Variants in SLC16A3 observed in about 807,000 individuals in gnomAD.
The protein encoded by SLC16A3 is monocarboxylate transporter 4.
In SLC16A3, 22 loss-of-function variants were observed where a neutral mutation model predicts 25.0. The observed-to-expected ratio is 0.88, with a 90% CI of 0.63 to 1.26. The LOEUF is 1.26. Among genes scored for constraint, SLC16A3 ranks in the 50% most tolerant of loss-of-function variants. The probability of loss-of-function intolerance (pLI) is 0.00; values close to 1 mark genes in which losing one functional copy is unlikely to be tolerated. For synonymous variants in SLC16A3, 390 were observed against 309.2 expected (o/e 1.26, Z -2.74); for missense variants, 731 against 666.6 (o/e 1.10, Z -1.06).
intron 1 of SLC16A3, among the ~76,000 whole-genome samples, chr17:82,232,079 C>T (rs1334426317): frequency 1.3e-5 from 2 of 152,244 alleles, no homozygotes; most frequent in East Asian, 1.9e-4. Context: ...CCGCCCTCGG[C>T]ACCCCTCGGC....
At chr17:82,218,114 G>A (rs955599530) in exon 1 of SLC16A3, among the ~76,000 whole-genome samples, 9 of 152,222 alleles carry the variant, frequency 5.9e-5, no homozygotes, top group Non-Finnish European at 1.5e-5. Flanking sequence ...TCTGCTCCTC[G>A]ACCTGGGATG....
intron 1 of SLC16A3, among the ~76,000 whole-genome samples, chr17:82,232,596 G>A (rs376426205): frequency 6.6e-6 from 1 of 152,230 alleles, no homozygotes; most frequent in Non-Finnish European, 1.5e-5. Context: ...GAACTGGCAG[G>A]CACCCAGGTC....
chr17:82,221,732 G>A (rs902755326), intron 1 of SLC16A3, among the ~76,000 whole-genome samples: 1 of 152,144 alleles, frequency 6.6e-6, no homozygotes, highest in Non-Finnish European at 1.5e-5. Context: ...ACACCCACGA[G>A]CACGGCTTTA....
Position 82,238,770 on chromosome 17 carries a change from T to A in SLC16A3, c.1192T>A (p.Ser398Thr), listed in dbSNP as rs1435561621. 3 of 1,612,554 alleles carry A rather than the reference T, an allele frequency of 1.9e-6. No homozygotes were observed. Among genetic ancestry groups the A allele is most frequent in the African/African-American group, 2.7e-5 (2 of 74,890 alleles). The change falls in exon 5 of 5, where the codon TCC (serine) becomes ACC (threonine). Residue 398 changes from serine to threonine, a missense_variant. Ser to Thr is a moderately conservative substitution (Grantham distance 58). Coordinates refer to ENST00000582743, the MANE Select transcript of SLC16A3 (RefSeq NM_004207.4). ...FILAGAEVLTSSLILLLGNFF... is the reference protein window; with the variant it reads ...FILAGAEVLTTSLILLLGNFF... The stretch of plus-strand genomic sequence containing the variant: ...CCTGGCGGGGGCCGAGGTGCTCACC[T>A]CCTCCCTGATTTTGCTGCTGGGCAA...
At chr17:82,232,407 G>C (rs1304060867) in intron 1 of SLC16A3, 1 of 152,544 alleles carries the variant, frequency 6.6e-6, no homozygotes, top group African/African-American at 2.4e-5. Context: ...ATGCCAGGGT[G>C]CCCAGTGCCC....
chr17:82,225,052 G>A (rs932679652), upstream of SLC16A3, among the ~76,000 whole-genome samples: 26 of 152,210 alleles, frequency 1.7e-4, 1 homozygote, highest in Admixed American at 1.6e-3. Context: ...CACAAGGTCA[G>A]GAGTTCAAGA....
upstream of SLC16A3, among the ~76,000 whole-genome samples, chr17:82,228,851 G>A (rs2050447470): frequency 2.0e-5 from 3 of 151,148 alleles, no homozygotes; most frequent in South Asian, 6.2e-4. Context: ...GCCGGTTCCG[G>A]TTGGGGGGGT....
chr17:82,225,724 G>C (rs2050417602), upstream of SLC16A3, among the ~76,000 whole-genome samples: 1 of 152,258 alleles, frequency 6.6e-6, no homozygotes, highest in East Asian at 1.9e-4. Context: ...ACTGGGTCAG[G>C]ACGGGGTGGC....
chr17:82,218,470 C>T (rs1165766947), intron 1 of SLC16A3, among the ~76,000 whole-genome samples: 4 of 151,654 alleles, frequency 2.6e-5, no homozygotes, highest in Non-Finnish European at 4.4e-5. Context: ...GCGGGGTGGA[C>T]GGCCAAGGCG....
chr17:82,232,780 C>T (rs564772810), intron 1 of SLC16A3, among the ~76,000 whole-genome samples: 22 of 152,186 alleles, frequency 1.4e-4, no homozygotes, highest in African/African-American at 3.6e-4. Context: ...CCAGGCCTCC[C>T]GCTCAGCTTC....
intron 1 of SLC16A3, chr17:82,234,101 A>G (rs970575816): frequency 6.6e-6 from 1 of 152,188 alleles, no homozygotes. Flanking sequence ...TGGCCCCCCA[A>G]AGTGCTGGGA....
chr17:82,221,030 G>A (rs1187444097), intron 1 of SLC16A3, among the ~76,000 whole-genome samples: 1 of 151,924 alleles, frequency 6.6e-6, no homozygotes, highest in African/African-American at 2.4e-5. Flanking sequence ...TACTGGCCAG[G>A]CTGGTCTCAA....
At chr17:82,238,330 G>A (rs908085838) in intron 4 of SLC16A3, among the ~76,000 whole-genome samples, 11 of 152,182 alleles carry the variant, frequency 7.2e-5, no homozygotes, top group African/African-American at 2.7e-4. Flanking sequence ...CTTGGGGAGG[G>A]CTCATGTCTT....
chr17:82,226,575 C>T (rs967282228), upstream of SLC16A3, among the ~76,000 whole-genome samples: 1 of 152,174 alleles, frequency 6.6e-6, no homozygotes, highest in African/African-American at 2.4e-5. Context: ...GCATGACCCC[C>T]AGAAGGCATC....
chr17:82,218,649 T>C (rs2050370794), intron 1 of SLC16A3, among the ~76,000 whole-genome samples: 1 of 152,144 alleles, frequency 6.6e-6, no homozygotes, highest in East Asian at 1.9e-4. Flanking sequence ...GATACCTGAA[T>C]GATGTTCTAG....
upstream of SLC16A3, among the ~76,000 whole-genome samples, chr17:82,226,959 C>CGGAA (rs139117699): frequency 0.016 from 2,505 of 152,236 alleles, 63 homozygotes; most frequent in African/African-American, 0.056. Flanking sequence ...ACTCTGTGGT[C>CGGAA]TTCCAGTCCC....
chr17:82,237,280 G>A lies in SLC16A3; in HGVS notation c.510G>A (p.Leu170=), dbSNP rs773959662. The change falls in exon 4 of 5, where the codon CTG becomes CTA. Residue 170 remains leucine, a synonymous_variant. Coordinates refer to ENST00000582743, the MANE Select transcript of SLC16A3 (RefSeq NM_004207.4). ...CCCTGAGCCCGCTGGGGCAGCTGCTGCAGGACCGCTACGGCTGGCGGGGCG... is the reference window on the plus strand; with the variant it reads ...CCCTGAGCCCGCTGGGGCAGCTGCTACAGGACCGCTACGGCTGGCGGGGCG... ...LCALSPLGQL[L]QDRYGWRGGF... is the part of the protein sequence containing the mutation. The A allele has an allele frequency of 1.9e-6, 3 of 1,564,496 alleles. No homozygotes were observed. The Admixed American group carries it at 5.6e-5, about 29-fold the overall frequency.
intron 1 of SLC16A3, among the ~76,000 whole-genome samples, chr17:82,221,176 T>C (rs2050387085): frequency 6.6e-6 from 1 of 152,158 alleles, no homozygotes; most frequent in South Asian, 2.1e-4. Context: ...GATACAATTT[T>C]GTGCATCAAA....
intron 1 of SLC16A3, among the ~76,000 whole-genome samples, chr17:82,221,261 T>C (rs923388746): frequency 2.0e-5 from 3 of 152,048 alleles, no homozygotes; most frequent in African/African-American, 7.2e-5. Flanking sequence ...ACCCAGAACA[T>C]GTAAAACTCA....
Sources: allele counts gnomAD v4.1 joint callset (sites outside exome capture counted in the v4.1 genomes callset), GRCh38; gene constraint gnomAD v4.1.1; transcripts MANE v1.5; gene names NCBI Gene and HGNC (gene_info 2026-07-23, HGNC 2026-07-21).